GABRP: variants seen among roughly 807,000 people sequenced by gnomAD.
The protein encoded by GABRP is gamma-aminobutyric acid type A receptor subunit pi, also known as gamma-aminobutyric acid receptor subunit pi.
A neutral mutation model predicts 47.8 loss-of-function variants in GABRP; 52 were observed. The observed-to-expected ratio is 1.09, with a 90% CI of 0.87 to 1.37. The LOEUF is 1.37. GABRP is among the 40% of genes most tolerant of loss of function. The pLI is 0.00. For synonymous variants in GABRP, 221 were observed against 205.8 expected (o/e 1.07, Z -0.63); for missense variants, 525 against 542.8 (o/e 0.97, Z 0.33).
rs549051800 is a variant in GABRP, at chr5:170,788,592, C to A, written c.-24C>A. ...TTCCCAGGTGATTCCTACTTCAGCC[C>A]CTTGGTGTGAGCAGCTTCTCAACAT... On this transcript the variant is annotated 5_prime_UTR_variant, in exon 2 of 10. Coordinates refer to ENST00000265294, the MANE Select transcript of GABRP (RefSeq NM_014211.3). 3.7e-6 allele frequency: 6 copies of A among 1,613,820 alleles called. No homozygotes were observed. The Admixed American group carries it at 6.7e-5, about 18-fold the overall frequency.
At chr5:170,789,689 G>A (rs1260238911) in intron 3 of GABRP, among the ~76,000 whole-genome samples, 2 of 151,990 alleles carry the variant, frequency 1.3e-5, no homozygotes, top group Admixed American at 6.6e-5. Context: ...GCATGCTCGC[G>A]TAGAGTCCAG....
chr5:170,811,917 G>C, intron 9 of GABRP, 39 bp from the exon 10 acceptor site: 2 of 1,578,242 alleles, frequency 1.3e-6, no homozygotes, highest in Non-Finnish European at 1.7e-6. Flanking sequence ...ATTTTGCTGA[G>C]TCAAGTCTTT....
intron 4 of GABRP, 64 bp downstream of exon 4, chr5:170,794,362 C>A: frequency 2.8e-6 from 2 of 724,452 alleles, no homozygotes; most frequent in Non-Finnish European, 4.3e-6. Flanking sequence ...AGGGGATATG[C>A]TTTCTAGCCG....
At chr5:170,800,823 G>A (rs1214453055) in intron 6 of GABRP, among the ~76,000 whole-genome samples, 1 of 152,156 alleles carries the variant, frequency 6.6e-6, no homozygotes, top group East Asian at 1.9e-4. Flanking sequence ...GTGGGTGACT[G>A]TAATCCCAGC....
chr5:170,811,881 T>C, intron 9 of GABRP, 75 bp from the exon 10 acceptor site: 2 of 1,380,064 alleles, frequency 1.4e-6, no homozygotes, highest in Non-Finnish European at 2.0e-6. Context: ...CTCTAAACTT[T>C]TTATTAGCTC....
chr5:170,789,330 A>C (rs1006685392), intron 3 of GABRP, 83 bp downstream of exon 3: 2 of 779,928 alleles, frequency 2.6e-6, no homozygotes, highest in African/African-American at 3.5e-5. Context: ...GGGAGGTTTT[A>C]GTTGACTCCA....
intron 5 of GABRP, among the ~76,000 whole-genome samples, chr5:170,796,136 A>C (rs2127256450): frequency 6.6e-6 from 1 of 152,366 alleles, no homozygotes; most frequent in South Asian, 2.1e-4. Flanking sequence ...GCCAGGAGCC[A>C]AATATTCATG....
At chr5:170,788,812 T>C in intron 2 of GABRP, 144 bp downstream of exon 2, 1 of 748,640 alleles carries the variant, frequency 1.3e-6, no homozygotes, top group Non-Finnish European at 2.3e-6. Flanking sequence ...ACAATGAAAC[T>C]TCCTGCCATT....
intron 5 of GABRP, among the ~76,000 whole-genome samples, chr5:170,796,222 G>A (rs571521902): frequency 2.0e-5 from 3 of 152,272 alleles, no homozygotes; most frequent in Non-Finnish European, 4.4e-5. Context: ...CTGAATTTCT[G>A]GACATGCCTC....
chr5:170,812,141 T>G lies in GABRP; in HGVS notation c.1206T>G (p.Ile402Met). ...TCTTCCGAGAAAAGATGGGCAGGATTGTTGATTATTTCACAATTCAAAACC... is the reference window on the plus strand; with the variant it reads ...TCTTCCGAGAAAAGATGGGCAGGATGGTTGATTATTTCACAATTCAAAACC... ...KFVFREKMGRIVDYFTIQNPS... is the reference protein window; with the variant it reads ...KFVFREKMGRMVDYFTIQNPS... Residue 402 changes from isoleucine to methionine, a missense_variant, in exon 10 of 10, where the codon ATT (isoleucine) becomes ATG (methionine). Transcript: ENST00000265294. 1 of 1,614,170 alleles carries G rather than the reference T, an allele frequency of 6.2e-7. No individual in the cohort carries two copies. The highest frequency in any genetic ancestry group is 8.5e-7 in the Non-Finnish European group (1 of 1,180,022).
chr5:170,801,620 C>T (rs1475744087), intron 6 of GABRP, among the ~76,000 whole-genome samples: 6 of 152,144 alleles, frequency 3.9e-5, no homozygotes, highest in Admixed American at 3.9e-4. Context: ...TATTGTCCCA[C>T]TAAAGTCTCC....
intron 4 of GABRP, among the ~76,000 whole-genome samples, chr5:170,794,651 G>T (rs1022202515): frequency 6.6e-6 from 1 of 152,114 alleles, no homozygotes; most frequent in Non-Finnish European, 1.5e-5. Flanking sequence ...GGCAAGCCTG[G>T]CCATTACATG....
intron 3 of GABRP, among the ~76,000 whole-genome samples, chr5:170,790,735 A>G (rs1765241583): frequency 6.6e-6 from 1 of 152,118 alleles, no homozygotes; most frequent in South Asian, 2.1e-4. Flanking sequence ...GTGCATTCAG[A>G]GGAGTCTCCC....
chr5:170,794,197 T>G (rs747249488), intron 3 of GABRP, 34 bp from the exon 4 acceptor site: 1 of 1,481,754 alleles, frequency 6.7e-7, no homozygotes, highest in Admixed American at 1.7e-5. Flanking sequence ...CTCATGGTTG[T>G]GTTTCCATTC....
chr5:170,809,885 C>T, intron 9 of GABRP, 130 bp downstream of exon 9: 1 of 880,490 alleles, frequency 1.1e-6, no homozygotes, highest in Non-Finnish European at 1.8e-6. Context: ...GAGTCTTATC[C>T]TTGTTCAGGT....
chr5:170,794,285 C>T lies in GABRP; in HGVS notation c.227C>T (p.Ser76Leu). ...TLDIASISSISESNMDYTATI... is the reference protein window; with the variant it reads ...TLDIASISSILESNMDYTATI... ...GACATTGCAAGTATCTCTAGCATTT[C>T]AGAGAGTAACATGGTAAGCGCTGTT... Residue 76 changes from serine (S) to leucine (L), a missense_variant, in exon 4 of 10, where the codon TCA becomes TTA. Transcript: ENST00000265294. 6.2e-7 allele frequency: 1 copy of T among 1,604,590 alleles called. No individual in the cohort carries two copies. The highest frequency in any genetic ancestry group is 8.5e-7 in the Non-Finnish European group (1 of 1,175,826).
upstream of GABRP, among the ~76,000 whole-genome samples, chr5:170,783,261 A>G (rs1291908764): frequency 1.3e-5 from 2 of 152,202 alleles, no homozygotes; most frequent in Non-Finnish European, 2.9e-5. Context: ...TTAACATAGA[A>G]TAGGCCTTCT....
At chr5:170,793,158 A>G (rs1193184768) in intron 3 of GABRP, among the ~76,000 whole-genome samples, 1 of 152,188 alleles carries the variant, frequency 6.6e-6, no homozygotes, top group Non-Finnish European at 1.5e-5. Flanking sequence ...AGACAATGTC[A>G]CACGTCTAAT....
chr5:170,793,847 G>A (rs1015964889), intron 3 of GABRP, among the ~76,000 whole-genome samples: 2 of 152,090 alleles, frequency 1.3e-5, no homozygotes, highest in Non-Finnish European at 2.9e-5. Context: ...CAGGAGAATC[G>A]CTTGAACCTG....
Sources: allele counts gnomAD v4.1 joint callset (sites outside exome capture counted in the v4.1 genomes callset), GRCh38; gene constraint gnomAD v4.1.1; transcripts MANE v1.5; gene names NCBI Gene and HGNC (gene_info 2026-07-23, HGNC 2026-07-21).